The following XYLT1 variants were observed in gnomAD, a reference collection of about 807,000 sequenced individuals.
XYLT1 encodes beta-D-xylosyltransferase 1.
In XYLT1, 36 loss-of-function variants were observed where a neutral mutation model predicts 91.3. The observed-to-expected ratio is 0.39, with a 90% confidence interval of 0.30 to 0.52. The LOEUF is 0.52. XYLT1 is among the 20% of genes least tolerant of loss of function. The pLI, the probability that XYLT1 is intolerant of heterozygous loss-of-function variation, is 0.68. For synonymous variants in XYLT1, 588 were observed against 532.0 expected, an observed-to-expected ratio of 1.11 and a Z score of -1.45; for missense variants, 1,242 against 1,284.5, an observed-to-expected ratio of 0.97 and a Z score of 0.51.
At chr16:17,385,816 C>A (rs757382217) in intron 1 of XYLT1, among the ~76,000 whole-genome samples, 4 of 151,966 alleles carry the variant, frequency 2.6e-5, no homozygotes, top group African/African-American at 7.2e-5. Flanking sequence ...GATTCTAAAT[C>A]CAAGGAAACA....
At chr16:17,446,732 G>A (rs890104917) in intron 1 of XYLT1, among the ~76,000 whole-genome samples, 1 of 152,172 alleles carries the variant, frequency 6.6e-6, no homozygotes, top group African/African-American at 2.4e-5. Context: ...AGACTCAAAA[G>A]ATTTGCTCTG....
chr16:17,202,330 T>C (rs16968568), intron 3 of XYLT1, among the ~76,000 whole-genome samples: 8,047 of 152,248 alleles, frequency 0.053, 288 homozygotes, highest in South Asian at 0.11. Context: ...GAATGGTTGC[T>C]GAATGAACGA....
At chr16:17,283,326 C>T (rs1048878794) in intron 2 of XYLT1, among the ~76,000 whole-genome samples, 4 of 152,084 alleles carry the variant, frequency 2.6e-5, no homozygotes, top group Admixed American at 2.0e-4. Context: ...CTCTGAAGGC[C>T]GGGGGCAGTC....
At chr16:17,299,182 G>T (rs1299513194) in intron 2 of XYLT1, among the ~76,000 whole-genome samples, 2 of 152,012 alleles carry the variant, frequency 1.3e-5, no homozygotes, top group Non-Finnish European at 2.9e-5. Context: ...ATCCATTTCT[G>T]GGCACCTACT....
chr16:17,452,362 C>A (rs936872663), intron 1 of XYLT1, among the ~76,000 whole-genome samples: 35 of 149,990 alleles, frequency 2.3e-4, no homozygotes, highest in African/African-American at 8.3e-4. Context: ...ATGGCTCACA[C>A]CTATAATCCC....
intron 1 of XYLT1, among the ~76,000 whole-genome samples, chr16:17,399,793 C>T (rs753360443): frequency 6.6e-6 from 1 of 152,162 alleles, no homozygotes; most frequent in Non-Finnish European, 1.5e-5. Context: ...AACTCCAGCC[C>T]CCACCACCAC....
chr16:17,405,335 G>A (rs1467176407), intron 1 of XYLT1, among the ~76,000 whole-genome samples: 1 of 152,224 alleles, frequency 6.6e-6, no homozygotes, highest in Non-Finnish European at 1.5e-5. Flanking sequence ...TGGCTGCCAA[G>A]GCCCAGTGGA....
At chr16:17,232,432 T>C (rs2141722767) in intron 3 of XYLT1, among the ~76,000 whole-genome samples, 1 of 64,244 alleles carries the variant, frequency 1.6e-5, no homozygotes, top group South Asian at 5.4e-4. Flanking sequence ...TGTGTGTGTA[T>C]ATATATATAT....
intron 2 of XYLT1, among the ~76,000 whole-genome samples, chr16:17,335,719 T>C (rs1349437130): frequency 1.3e-5 from 2 of 151,520 alleles, no homozygotes; most frequent in East Asian, 3.9e-4. Flanking sequence ...AAATCATTCA[T>C]TGAGTAACTT....
chr16:17,207,892 C>G (rs1027146915), intron 3 of XYLT1, among the ~76,000 whole-genome samples: 1 of 152,182 alleles, frequency 6.6e-6, no homozygotes, highest in Non-Finnish European at 1.5e-5. Context: ...CAAGCCAGCA[C>G]CTGTCAGGTC....
chr16:17,296,920 G>A (rs892172940), intron 2 of XYLT1, among the ~76,000 whole-genome samples: 1 of 152,162 alleles, frequency 6.6e-6, no homozygotes, highest in African/African-American at 2.4e-5. Flanking sequence ...TTCCTTATCT[G>A]TAAAATGGAA....
intron 2 of XYLT1, among the ~76,000 whole-genome samples, chr16:17,345,152 C>A (rs1459185374): frequency 6.6e-6 from 1 of 152,238 alleles, no homozygotes; most frequent in African/African-American, 2.4e-5. Flanking sequence ...TCAGCCTCTG[C>A]TACTCTGACC....
At chr16:17,266,994 A>T (rs2033816524) in intron 2 of XYLT1, among the ~76,000 whole-genome samples, 2 of 152,258 alleles carry the variant, frequency 1.3e-5, no homozygotes, top group Admixed American at 6.5e-5. Flanking sequence ...GCTGGCCAGC[A>T]CTTAGAAACC....
intron 4 of XYLT1, among the ~76,000 whole-genome samples, chr16:17,198,651 C>T (rs922188395): frequency 6.6e-6 from 1 of 152,210 alleles, no homozygotes; most frequent in Non-Finnish European, 1.5e-5. Flanking sequence ...GGCCGCACTT[C>T]TGAGCTAATG....
At chr16:17,467,325 A>T (rs1180372136) in intron 1 of XYLT1, among the ~76,000 whole-genome samples, 1 of 152,116 alleles carries the variant, frequency 6.6e-6, no homozygotes, top group East Asian at 1.9e-4. Context: ...GCTCTCTTTC[A>T]TTTTCTCCAA....
At chr16:17,136,656 C>G (rs8058155) in intron 8 of XYLT1, among the ~76,000 whole-genome samples, 2 of 152,148 alleles carry the variant, frequency 1.3e-5, no homozygotes, top group South Asian at 4.1e-4. Flanking sequence ...CCTGCGATTC[C>G]GACCATAGCT....
chr16:17,312,792 A>T lies in XYLT1; in HGVS notation c.402+45220T>A, dbSNP rs2034570011. 6.6e-6 allele frequency among the ~76,000 whole-genome samples: 1 copy of T among 152,266 alleles called. No homozygotes were observed. Among genetic ancestry groups the T allele is most frequent in the Admixed American group, 6.5e-5 (1 of 15,288 alleles). On this transcript the variant is annotated intron_variant, in intron 2 of 11. Coordinates refer to ENST00000261381, the MANE Select transcript of XYLT1 (RefSeq NM_022166.4). This position sits in a 1 kb window ranked among gnomAD's most constrained non-coding sequence, Gnocchi z 4.4. Reference sequence around the variant, plus strand: ...AAAGTGACTTGTCCAAGGAGCTCGAATTCAGGGAATCTAGCTCTAAGCTAC... The same window carrying T: ...AAAGTGACTTGTCCAAGGAGCTCGATTTCAGGGAATCTAGCTCTAAGCTAC...
intron 1 of XYLT1, among the ~76,000 whole-genome samples, chr16:17,375,197 T>A (rs143425659): frequency 0.014 from 2,095 of 152,324 alleles, 24 homozygotes; most frequent in Non-Finnish European, 0.021. Flanking sequence ...GCACTTATTA[T>A]GGACTAGGTA....
At chr16:17,336,224 G>A (rs1596488556) in intron 2 of XYLT1, among the ~76,000 whole-genome samples, 1 of 152,286 alleles carries the variant, frequency 6.6e-6, no homozygotes, top group Non-Finnish European at 1.5e-5. Context: ...AACACACTTT[G>A]GAAATACTTT....
Sources: gnomAD v4.1 joint callset for allele counts (sites outside exome capture counted in the v4.1 genomes callset) on GRCh38, gnomAD v4.1.1 for gene constraint, Gnocchi (gnomAD v3.1) non-coding constraint, MANE v1.5 for transcripts, NCBI Gene and HGNC (gene_info 2026-07-23, HGNC 2026-07-21) for gene names.